The following PHC3 variants were observed in gnomAD, a reference collection of about 807,000 sequenced individuals.
PHC3 encodes polyhomeotic homolog 3.
Under a neutral mutation model 107.4 loss-of-function variants are expected in PHC3, and 13 were observed. The ratio of observed to expected loss-of-function variants is 0.12; its 90% CI spans 0.08 to 0.19. The LOEUF (loss-of-function observed/expected upper bound fraction) is 0.19, where lower values mean the gene tolerates loss of function less well. Ranked by LOEUF, PHC3 falls within the 10% of genes least tolerant of loss-of-function variation. The probability of loss-of-function intolerance (pLI) is 1.00; values close to 1 mark genes in which losing one functional copy is unlikely to be tolerated. For missense variants in PHC3, 992 were observed against 1,210.9 expected (o/e 0.82, Z 2.68); for synonymous variants, 456 against 427.4 (o/e 1.07, Z -0.83).
intron 3 of PHC3, 86 bp from the exon 4 acceptor site, chr3:170,171,536 A>C: frequency 1.1e-6 from 1 of 931,428 alleles, no homozygotes; most frequent in Admixed American, 3.3e-5. Context: ...AACCACAACA[A>C]TAAATGTCAA....
At position 170,088,526 on chromosome 3, in the gene PHC3, CAA is replaced by C. The variant is rs1453790126; in HGVS notation, c.*8702_*8703del. 1 of 152,086 alleles carries C rather than the reference CAA, an allele frequency of 6.6e-6. No individual in the cohort carries two copies. The highest frequency in any genetic ancestry group is 1.5e-5 in the Non-Finnish European group (1 of 67,998). 9.4% of individuals were successfully genotyped at this position (152,086 alleles called of 1,614,324 possible). On this transcript the variant is annotated 3_prime_UTR_variant, in exon 15 of 15. Coordinates refer to ENST00000495893, the MANE Select transcript of PHC3 (RefSeq NM_024947.4). The stretch of plus-strand genomic sequence containing the variant: ...TTGACTTTTTTCCCTATAGGAAAAA[CAA>C]AGACCAAGCTTTTGAAGGAGAGGAC...
chr3:170,129,049 C>G lies in PHC3; in HGVS notation c.1423G>C (p.Val475Leu). 6.2e-7 allele frequency: 1 copy of G among 1,612,298 alleles called. No homozygotes were observed. The highest frequency in any genetic ancestry group is 8.5e-7 in the Non-Finnish European group (1 of 1,179,054). The change falls in exon 8 of 15, where the codon GTT becomes CTT. Residue 475 changes from valine to leucine, a missense_variant. Transcript: ENST00000495893. ...PSHLPLPASP[V>L]VHIGPVQQSA... ...TGCTGAACTGGGCCAATGTGTACAA[C>G]AGGGGAAGCTGGAAGTGGAAGATGG...
intron 4 of PHC3, among the ~76,000 whole-genome samples, chr3:170,161,389 C>T (rs950258364): frequency 6.6e-6 from 1 of 152,160 alleles, no homozygotes; most frequent in Non-Finnish European, 1.5e-5. Context: ...CACCAGGGAT[C>T]GGTTTCATGG....
chr3:170,131,194 T>A (rs1045019175), intron 7 of PHC3, among the ~76,000 whole-genome samples: 3 of 149,710 alleles, frequency 2.0e-5, no homozygotes, highest in Non-Finnish European at 4.4e-5. Flanking sequence ...AATTTTCATA[T>A]AAGTATCTAG....
chr3:170,148,455 T>G (rs921916414), intron 5 of PHC3: 1 of 152,172 alleles, frequency 6.6e-6, no homozygotes, highest in Non-Finnish European at 1.5e-5. Context: ...GCTCAACAAT[T>G]AAATTAGAAA....
intron 1 of PHC3, among the ~76,000 whole-genome samples, chr3:170,179,895 T>C (rs934249824): frequency 2.6e-5 from 4 of 152,192 alleles, no homozygotes; most frequent in Admixed American, 2.0e-4. Flanking sequence ...GAGATTATAC[T>C]GGTTTTATCT....
chr3:170,178,986 G>A, intron 1 of PHC3, 48 bp from the exon 2 acceptor site: 1 of 1,480,062 alleles, frequency 6.8e-7, no homozygotes, highest in Non-Finnish European at 9.3e-7. Context: ...ATTATCTTAT[G>A]AGCTTTAAAG....
chr3:170,121,008 G>A (rs1720180546), intron 9 of PHC3, among the ~76,000 whole-genome samples: 1 of 152,228 alleles, frequency 6.6e-6, no homozygotes, highest in Non-Finnish European at 1.5e-5. Context: ...TCTGTGGTTA[G>A]TAAAAAGCAG....
At chr3:170,181,466 CAGA>C (rs1731414029) in intron 1 of PHC3, among the ~76,000 whole-genome samples, 1 of 152,154 alleles carries the variant, frequency 6.6e-6, no homozygotes, top group East Asian at 1.9e-4. Context: ...CAGGGCCGCG[CAGA>C]TCCGGGACCT....
At chr3:170,150,315 T>C (rs534680026) in intron 4 of PHC3, among the ~76,000 whole-genome samples, 24 of 152,256 alleles carry the variant, frequency 1.6e-4, no homozygotes, top group African/African-American at 5.5e-4. Context: ...AAAATACTAC[T>C]TCTCAAACAG....
chr3:170,129,146 G>C lies in PHC3; in HGVS notation c.1326C>G (p.Leu442=). 2 of 1,613,900 alleles carry C rather than the reference G, an allele frequency of 1.2e-6. No individual in the cohort carries two copies. The highest frequency in any genetic ancestry group is 1.7e-6 in the Non-Finnish European group (2 of 1,179,856). The change falls in exon 8 of 15, where the codon CTC becomes CTG. Residue 442 remains leucine, a synonymous_variant. Coordinates refer to ENST00000495893, the MANE Select transcript of PHC3 (RefSeq NM_024947.4). ...ACTGCTGCAAATTTGGCCCTGGCTG[G>C]AGAGCTGATGACACAAGAGGGTGTG... The part of the protein sequence containing the change: ...IQPHPLVSSA[L]QPGPNLQQST...
intron 7 of PHC3, among the ~76,000 whole-genome samples, chr3:170,132,762 AT>A (rs1205597394): frequency 5.3e-5 from 8 of 152,254 alleles, no homozygotes; most frequent in African/African-American, 1.9e-4. Context: ...AGATTGATTA[AT>A]ACAGGACCTT....
intron 6 of PHC3, among the ~76,000 whole-genome samples, chr3:170,140,777 T>C (rs1470091009): frequency 1.3e-5 from 2 of 151,182 alleles, no homozygotes; most frequent in Non-Finnish European, 2.9e-5. Context: ...TTTGTATTTT[T>C]AGTAGAGACG....
chr3:170,131,662 C>T (rs1378244072), intron 7 of PHC3, among the ~76,000 whole-genome samples: 1 of 151,980 alleles, frequency 6.6e-6, no homozygotes, highest in East Asian at 1.9e-4. Flanking sequence ...GGTGAAACCC[C>T]ATCTCTACTA....
intron 9 of PHC3, among the ~76,000 whole-genome samples, chr3:170,119,978 A>G (rs1719897220): frequency 6.6e-6 from 1 of 152,204 alleles, no homozygotes; most frequent in Admixed American, 6.5e-5. Context: ...ATCTCAGACT[A>G]CATTCCTGAG....
chr3:170,115,312 T>C (rs1280715008), intron 10 of PHC3, among the ~76,000 whole-genome samples: 1 of 149,302 alleles, frequency 6.7e-6, no homozygotes, highest in East Asian at 2.0e-4. Context: ...TCAAATTTCC[T>C]CAGTGAAAGG....
At chr3:170,111,735 T>A (rs938702913) in intron 11 of PHC3, among the ~76,000 whole-genome samples, 15 of 144,912 alleles carry the variant, frequency 1.0e-4, no homozygotes, top group African/African-American at 3.8e-4. Context: ...AAACGGTGAT[T>A]CACATGTTGC....
chr3:170,130,598 A>C (rs542080526), intron 7 of PHC3, among the ~76,000 whole-genome samples: 1 of 152,076 alleles, frequency 6.6e-6, no homozygotes, highest in South Asian at 2.1e-4. Context: ...TACCTAAATA[A>C]GGGATTTTGT....
Position 170,172,619 on chromosome 3 carries a change from T to A in PHC3, c.274A>T (p.Thr92Ser). Reference sequence around the variant, plus strand: ...AAATGCTGCTGCTGAAGAGCTGCAGTATGCAGCATCAAGTGCTGTTGTTGG... The same window carrying A: ...AAATGCTGCTGCTGAAGAGCTGCAGAATGCAGCATCAAGTGCTGTTGTTGG... ...AAQQQHLMLH[T>S]AALQQQHLSS... Residue 92 changes from threonine (T) to serine (S), a missense_variant, in exon 3 of 15, where the codon ACT becomes TCT. Coordinates refer to ENST00000495893, the MANE Select transcript of PHC3 (RefSeq NM_024947.4). The A allele has an allele frequency of 6.2e-7, 1 of 1,613,668 alleles. No homozygotes were observed. The highest frequency in any genetic ancestry group is 8.5e-7 in the Non-Finnish European group (1 of 1,179,790).
Sources: gnomAD v4.1 joint callset for allele counts (sites outside exome capture counted in the v4.1 genomes callset) on GRCh38, gnomAD v4.1.1 for gene constraint, MANE v1.5 for transcripts, NCBI Gene and HGNC (gene_info 2026-07-23, HGNC 2026-07-21) for gene names.